VPS37A: variants seen among roughly 807,000 people sequenced by gnomAD.
The protein encoded by VPS37A is vacuolar protein sorting-associated protein 37A.
Under a neutral mutation model 49.8 loss-of-function variants are expected in VPS37A, and 30 were observed. The observed-to-expected ratio is 0.60, with a 90% confidence interval of 0.45 to 0.82. The LOEUF (loss-of-function observed/expected upper bound fraction) is 0.82, where lower values mean the gene tolerates loss of function less well. Among genes scored for constraint, VPS37A ranks in the 40% least tolerant of loss-of-function variants. The pLI is 0.00. For missense variants in VPS37A, 593 were observed against 464.4 expected (o/e 1.28, Z -2.55); for synonymous variants, 195 against 160.6 (o/e 1.21, Z -1.62).
At chr8:17,317,578 A>C in the VPS37A span, among the ~76,000 whole-genome samples, 9 of 152,140 alleles carry the variant, frequency 5.9e-5, no homozygotes, top group Admixed American at 3.3e-4. Flanking sequence ...CTTTCCAGAA[A>C]GTGTATCACC....
At chr8:17,267,373 G>T (rs1233980496) in intron 2 of VPS37A, among the ~76,000 whole-genome samples, 1 of 152,094 alleles carries the variant, frequency 6.6e-6, no homozygotes, top group Non-Finnish European at 1.5e-5. Flanking sequence ...TAGAGATTTG[G>T]AAACAGGGTT....
intron 5 of VPS37A, among the ~76,000 whole-genome samples, chr8:17,275,205 C>T (rs1193210717): frequency 2.0e-5 from 3 of 152,116 alleles, no homozygotes; most frequent in African/African-American, 7.2e-5. Flanking sequence ...GGTCAGTGCT[C>T]CTAGGGACCA....
chr8:17,254,381 C>G (rs1812244601), intron 1 of VPS37A, among the ~76,000 whole-genome samples: 1 of 152,146 alleles, frequency 6.6e-6, no homozygotes. Flanking sequence ...AATATTACTG[C>G]TATTTACCAG....
intron 1 of VPS37A, among the ~76,000 whole-genome samples, chr8:17,256,619 C>T (rs10111267): frequency 0.51 from 77,777 of 151,238 alleles, 23,986 homozygotes; most frequent in African/African-American, 0.84. Flanking sequence ...ATTGTTCCTT[C>T]GCTGTGTAGG....
chr8:17,326,767 C>T, the VPS37A span, among the ~76,000 whole-genome samples: 2 of 152,202 alleles, frequency 1.3e-5, no homozygotes, highest in Non-Finnish European at 2.9e-5. Context: ...GATGAGAACG[C>T]AGCCCAGCTG....
intron 1 of VPS37A, among the ~76,000 whole-genome samples, chr8:17,250,848 G>T (rs1415177265): frequency 6.6e-6 from 1 of 152,150 alleles, no homozygotes; most frequent in African/African-American, 2.4e-5. Flanking sequence ...AACTGTCATA[G>T]ATGACACTCA....
In VPS37A at chr8:17,280,429, C is replaced by T; in HGVS notation, c.955C>T (p.His319Tyr). 1 of 1,608,140 alleles carries T rather than the reference C, an allele frequency of 6.2e-7. No individual in the cohort carries two copies. Among genetic ancestry groups the T allele is most frequent in the Non-Finnish European group, 8.5e-7 (1 of 1,178,056 alleles). The change falls in exon 9 of 12, where the codon CAT becomes TAT. Residue 319 changes from histidine (H) to tyrosine (Y), a missense_variant. Coordinates refer to ENST00000324849, the MANE Select transcript of VPS37A (RefSeq NM_152415.3). ...TTTCGAAAAGAAGATGCAAAGGCAG[C>T]ATGAACTTAGTGAGGTAAGACTGTT... ...STFEKKMQRQ[H>Y]ELSESCSASA...
chr8:17,319,268 T>A, the VPS37A span, among the ~76,000 whole-genome samples: 2 of 152,160 alleles, frequency 1.3e-5, no homozygotes. Flanking sequence ...TAAAAACACC[T>A]TCCTCAAACA....
At chr8:17,321,393 A>T in the VPS37A span, among the ~76,000 whole-genome samples, 2 of 152,256 alleles carry the variant, frequency 1.3e-5, no homozygotes, top group African/African-American at 4.8e-5. Context: ...CTTCTTGTTC[A>T]ACATTTCTGT....
chr8:17,303,245 A>G (rs1015808559), downstream of VPS37A, among the ~76,000 whole-genome samples: 1 of 152,196 alleles, frequency 6.6e-6, no homozygotes, highest in Non-Finnish European at 1.5e-5. Context: ...CCAACTGGTC[A>G]TATCTCAACA....
At chr8:17,258,798 G>T (rs1456735351) in intron 1 of VPS37A, among the ~76,000 whole-genome samples, 2 of 151,866 alleles carry the variant, frequency 1.3e-5, no homozygotes, top group African/African-American at 4.8e-5. Flanking sequence ...CATTATTATT[G>T]GCTTATTGAA....
chr8:17,315,806 G>C, the VPS37A span, among the ~76,000 whole-genome samples: 1 of 152,146 alleles, frequency 6.6e-6, no homozygotes, highest in African/African-American at 2.4e-5. Flanking sequence ...GAGTCAAGGA[G>C]TTCAAGAACA....
At chr8:17,307,703 G>A in the VPS37A span, among the ~76,000 whole-genome samples, 1 of 152,288 alleles carries the variant, frequency 6.6e-6, no homozygotes, top group East Asian at 1.9e-4. Context: ...ATATTATGCA[G>A]CCATAAAAAA....
chr8:17,282,295 A>G (rs893319293), intron 9 of VPS37A, among the ~76,000 whole-genome samples: 2 of 152,116 alleles, frequency 1.3e-5, no homozygotes, highest in Non-Finnish European at 2.9e-5. Context: ...AAAATTGGTT[A>G]TTTAGTATCC....
At chr8:17,264,716 A>T (rs1448249713) in intron 1 of VPS37A, among the ~76,000 whole-genome samples, 2 of 152,204 alleles carry the variant, frequency 1.3e-5, no homozygotes, top group Non-Finnish European at 2.9e-5. Flanking sequence ...ATCATTAGTC[A>T]TAAGCTAGAT....
chr8:17,274,910 C>G lies in VPS37A; in HGVS notation c.594C>G (p.Val198=). The change falls in exon 5 of 12, where the codon GTC becomes GTG. Residue 198 remains valine (V), a synonymous_variant. Transcript: ENST00000324849. ...AGCCTGCCGCTCCTTCATTTGGTGT[C>G]CTTTCAAATCTGCCATTACCCATTC... ...TAKPAAPSFG[V]LSNLPLPIPT... is the part of the protein sequence containing the mutation. 6.2e-7 allele frequency: 1 copy of G among 1,614,160 alleles called. No homozygotes were observed. The highest frequency in any genetic ancestry group is 1.1e-5 in the South Asian group (1 of 91,084).
rs146329558 is a variant in VPS37A, at chr8:17,286,395, G to A, written c.1162G>A (p.Ala388Thr). The change falls in exon 11 of 12, where the codon GCA (alanine) becomes ACA (threonine). Residue 388 changes from alanine to threonine, a missense_variant. Physicochemically the swap from Ala to Thr is moderately conservative, Grantham distance 58. Coordinates refer to ENST00000324849, the MANE Select transcript of VPS37A (RefSeq NM_152415.3). Reference protein sequence around the residue: ...AKEEKLQQAIAMHSQFHAPL With the variant: ...AKEEKLQQAITMHSQFHAPL ...GGAAGAGAAACTTCAGCAGGCGATA[G>A]CAATGCACAGCCAATTTCATGCTCC... is the stretch of plus-strand genomic sequence containing the variant. The A allele has an allele frequency of 1.2e-6, 2 of 1,613,858 alleles. No homozygotes were observed. The highest frequency in any genetic ancestry group is 1.1e-5 in the South Asian group (1 of 91,042).
At chr8:17,313,430 A>T in the VPS37A span, 2 of 1,406,466 alleles carry the variant, frequency 1.4e-6, no homozygotes, top group Non-Finnish European at 2.0e-6. Context: ...TATAAAAGCA[A>T]AATTAAGGTA....
At chr8:17,247,818 A>G in intron 1 of VPS37A, 1 of 699,980 alleles carries the variant, frequency 1.4e-6, no homozygotes, top group Non-Finnish European at 2.6e-6. Context: ...AGGAAAGGGA[A>G]GCCAGAGTTT....
Sources: gnomAD v4.1 joint callset for allele counts (sites outside exome capture counted in the v4.1 genomes callset) on GRCh38, gnomAD v4.1.1 for gene constraint, MANE v1.5 for transcripts, NCBI Gene and HGNC (gene_info 2026-07-23, HGNC 2026-07-21) for gene names.